The following NXPH1 variants were observed in gnomAD, a reference collection of about 807,000 sequenced individuals.
NXPH1 encodes the protein neurexophilin 1.
In NXPH1, 5 loss-of-function variants were observed where a neutral mutation model predicts 23.7. The observed-to-expected ratio is 0.21, with a 90% CI of 0.11 to 0.44. The LOEUF is 0.44. Among genes scored for constraint, NXPH1 ranks in the 20% least tolerant of loss-of-function variants. The pLI is 0.99. For synonymous variants in NXPH1, 144 were observed against 122.2 expected, an observed-to-expected ratio of 1.18 and a Z score of -1.18; for missense variants, 324 against 321.6, an observed-to-expected ratio of 1.01 and a Z score of -0.06.
At chr7:8,477,899 C>A (rs548035638) in intron 2 of NXPH1, among the ~76,000 whole-genome samples, 72 of 152,248 alleles carry the variant, frequency 4.7e-4, no homozygotes, top group African/African-American at 1.7e-3. Context: ...GTTTGAATTT[C>A]TGACTCCCTT....
At chr7:8,540,260 G>C (rs1818093062) in intron 2 of NXPH1, among the ~76,000 whole-genome samples, 1 of 151,766 alleles carries the variant, frequency 6.6e-6, no homozygotes, top group Non-Finnish European at 1.5e-5. Context: ...GTTCTTATCA[G>C]AATCTGAAAG....
chr7:8,688,269 T>G (rs1237893381), intron 2 of NXPH1, among the ~76,000 whole-genome samples: 1 of 152,140 alleles, frequency 6.6e-6, no homozygotes, highest in African/African-American at 2.4e-5. Context: ...AATATAAACT[T>G]TTTAATAACA....
chr7:8,448,024 A>G (rs934848780), intron 2 of NXPH1, among the ~76,000 whole-genome samples: 3 of 152,246 alleles, frequency 2.0e-5, no homozygotes, highest in African/African-American at 7.2e-5. Flanking sequence ...CAGTTATCCC[A>G]GGACCTCTGT....
intron 2 of NXPH1, among the ~76,000 whole-genome samples, chr7:8,750,421 A>G (rs1426701693): frequency 2.0e-5 from 3 of 152,104 alleles, no homozygotes; most frequent in Non-Finnish European, 1.5e-5. Context: ...GCACCTATTG[A>G]CCCGTTCTCT....
At chr7:8,726,457 G>A (rs1045155779) in intron 2 of NXPH1, among the ~76,000 whole-genome samples, 1 of 149,714 alleles carries the variant, frequency 6.7e-6, no homozygotes, top group African/African-American at 2.5e-5. Flanking sequence ...CTAGCATTAG[G>A]TATATCTCCC....
chr7:8,595,478 A>T (rs1382121667), intron 2 of NXPH1, among the ~76,000 whole-genome samples: 1 of 151,924 alleles, frequency 6.6e-6, no homozygotes, highest in Non-Finnish European at 1.5e-5. Flanking sequence ...TTGTAAACAT[A>T]TATATATAGT....
chr7:8,591,635 T>C (rs1034680239), intron 2 of NXPH1, among the ~76,000 whole-genome samples: 1 of 152,040 alleles, frequency 6.6e-6, no homozygotes, highest in African/African-American at 2.4e-5. Flanking sequence ...CTGCTTTGTA[T>C]TGGAATTTTA....
At chr7:8,746,718 C>G (rs116105124) in intron 2 of NXPH1, among the ~76,000 whole-genome samples, 2,516 of 152,146 alleles carry the variant, frequency 0.017, 37 homozygotes, top group African/African-American at 0.025. Flanking sequence ...ACCCTCTTAA[C>G]AAATTTTTAA....
chr7:8,530,442 T>C (rs899045570), intron 2 of NXPH1, among the ~76,000 whole-genome samples: 1 of 152,196 alleles, frequency 6.6e-6, no homozygotes, highest in Non-Finnish European at 1.5e-5. Context: ...AGGAGGTTAG[T>C]CTAGAATGAT....
chr7:8,518,805 G>A (rs1337600841), intron 2 of NXPH1, among the ~76,000 whole-genome samples: 1 of 152,138 alleles, frequency 6.6e-6, no homozygotes, highest in Non-Finnish European at 1.5e-5. Context: ...TAATCCATGG[G>A]TTTTGGAGCC....
chr7:8,571,014 TGTCTATCTAATCTA>T (rs1289721411), intron 2 of NXPH1, among the ~76,000 whole-genome samples: 14 of 135,564 alleles, frequency 1.0e-4, no homozygotes, highest in East Asian at 8.6e-4. Flanking sequence ...TCTATCTGTC[TGTCTATCTAATCTA>T]ATCTAATCTA....
At chr7:8,578,662 A>G (rs947475908) in intron 2 of NXPH1, among the ~76,000 whole-genome samples, 1 of 152,194 alleles carries the variant, frequency 6.6e-6, no homozygotes, top group Non-Finnish European at 1.5e-5. Flanking sequence ...CATAGCAGAA[A>G]TAAAGACGGA....
chr7:8,448,604 C>G (rs182712621), intron 2 of NXPH1, among the ~76,000 whole-genome samples: 32 of 152,142 alleles, frequency 2.1e-4, no homozygotes, highest in African/African-American at 7.7e-4. Flanking sequence ...ATTGCTTGAG[C>G]TCAGGAGTTT....
chr7:8,597,516 T>A (rs1441059361), intron 2 of NXPH1, among the ~76,000 whole-genome samples: 1 of 152,100 alleles, frequency 6.6e-6, no homozygotes, highest in African/African-American at 2.4e-5. Context: ...TTTTGTACTT[T>A]CTTTATGTCT....
chr7:8,475,474 T>C (rs1254494062), intron 2 of NXPH1, among the ~76,000 whole-genome samples: 1 of 152,100 alleles, frequency 6.6e-6, no homozygotes, highest in Non-Finnish European at 1.5e-5. Flanking sequence ...ACCCATGGAA[T>C]GAAGATTTCT....
At chr7:8,619,222 T>TTC (rs112607404) in intron 2 of NXPH1, among the ~76,000 whole-genome samples, 7,312 of 152,232 alleles carry the variant, frequency 0.048, 356 homozygotes, top group East Asian at 0.17. Context: ...TGATTTGTGT[T>TTC]TGAAAGAAAT....
intron 2 of NXPH1, among the ~76,000 whole-genome samples, chr7:8,445,795 G>C (rs141876765): frequency 6.6e-6 from 1 of 152,284 alleles, no homozygotes; most frequent in East Asian, 1.9e-4. Flanking sequence ...TTCCAACATG[G>C]GTTTGAAAGT....
intron 2 of NXPH1, among the ~76,000 whole-genome samples, chr7:8,580,084 A>T (rs1309211246): frequency 2.0e-5 from 3 of 152,220 alleles, no homozygotes; most frequent in African/African-American, 7.2e-5. Context: ...CTGTTAGTTA[A>T]GGAGAACAAA....
At chr7:8,455,737 G>T (rs997623390) in intron 2 of NXPH1, among the ~76,000 whole-genome samples, 1 of 152,170 alleles carries the variant, frequency 6.6e-6, no homozygotes, top group East Asian at 1.9e-4. Context: ...TCTCTTCGTT[G>T]CTTCTTCCAA....
Sources: gnomAD v4.1 joint callset for allele counts (sites outside exome capture counted in the v4.1 genomes callset) on GRCh38, gnomAD v4.1.1 for gene constraint, MANE v1.5 for transcripts, NCBI Gene and HGNC (gene_info 2026-07-23, HGNC 2026-07-21) for gene names.